The following DOCK11 variants were observed in gnomAD, a reference collection of about 807,000 sequenced individuals.
DOCK11 encodes the protein dedicator of cytokinesis protein 11.
DOCK11 carries 70 observed loss-of-function variants against 169.1 expected under a neutral mutation model. The observed-to-expected ratio is 0.41, with a 90% CI of 0.34 to 0.51. DOCK11 has a LOEUF of 0.51. Ranked by LOEUF, DOCK11 falls within the 20% of genes least tolerant of loss-of-function variation. The pLI, the probability that DOCK11 is intolerant of heterozygous loss-of-function variation, is 0.10. For missense variants in DOCK11, 1,166 were observed against 1,538.8 expected (o/e 0.76, Z 4.05); for synonymous variants, 529 against 541.3 (o/e 0.98, Z 0.32).
At chrX:118,516,089 T>G (rs1295110180) in intron 1 of DOCK11, among the ~76,000 whole-genome samples, 2 of 84,533 alleles carry the variant, frequency 2.4e-5, no homozygotes, top group Non-Finnish European at 4.3e-5. Flanking sequence ...TTTCTTTTCT[T>G]TTTCTTTTTT....
chrX:118,538,959 A>T (rs1459055095), intron 1 of DOCK11, among the ~76,000 whole-genome samples: 7 of 111,995 alleles, frequency 6.3e-5, no homozygotes, highest in Non-Finnish European at 1.3e-4. Flanking sequence ...TTTGTCTCTG[A>T]TGCCTGCAGA....
At chrX:118,659,952 T>A (rs1218224737) in intron 44 of DOCK11, among the ~76,000 whole-genome samples, 1 of 111,742 alleles carries the variant, frequency 8.9e-6, no homozygotes, top group Non-Finnish European at 1.9e-5. Flanking sequence ...GATGGGAATT[T>A]TTTTTCTCCC....
chrX:118,538,984 C>T (rs1389490929), intron 1 of DOCK11, among the ~76,000 whole-genome samples: 1 of 111,427 alleles, frequency 9.0e-6, no homozygotes, highest in African/African-American at 3.3e-5. Flanking sequence ...TAACTGAATC[C>T]TACTAGAAGG....
chrX:118,533,128 A>G (rs1368886335), intron 1 of DOCK11, among the ~76,000 whole-genome samples: 1 of 110,470 alleles, frequency 9.1e-6, no homozygotes, highest in Admixed American at 9.6e-5. Flanking sequence ...AGTAGCTGGG[A>G]TTACAGGCGC....
intron 1 of DOCK11, among the ~76,000 whole-genome samples, chrX:118,501,354 C>T (rs1218506085): frequency 3.6e-5 from 4 of 111,104 alleles, no homozygotes; most frequent in Non-Finnish European, 7.5e-5. Flanking sequence ...AGTGTCATGG[C>T]GCATGCCTGT....
chrX:118,543,602 A>G lies in DOCK11; in HGVS notation c.392+9A>G, dbSNP rs1221721516. Reference sequence around the variant, plus strand: ...TTTCGAATGTTGCCATGGTAAGTTTAGCATTCCAGGGAAACATGCAACAGG... The same window carrying G: ...TTTCGAATGTTGCCATGGTAAGTTTGGCATTCCAGGGAAACATGCAACAGG... On this transcript the variant is annotated intron_variant, in intron 4 of 52. Transcript: ENST00000276202. 3.4e-6 allele frequency: 4 copies of G among 1,187,155 alleles called. No individual in the cohort carries two copies. Among genetic ancestry groups the G allele is most frequent in the Non-Finnish European group, 4.6e-6 (4 of 873,250 alleles).
intron 1 of DOCK11, among the ~76,000 whole-genome samples, chrX:118,506,416 A>G (rs779727844): frequency 1.8e-5 from 2 of 112,065 alleles, no homozygotes; most frequent in Non-Finnish European, 3.8e-5. Flanking sequence ...CTATATTCCC[A>G]GCACTTTGAG....
rs141135574 is a variant in DOCK11 at position 118,638,121 on chromosome X, T to C, written c.3995T>C (p.Ile1332Thr). Residue 1332 changes from isoleucine (I) to threonine (T), a missense_variant, in exon 37 of 53, where the codon ATA becomes ACA. Ile to Thr is a moderately conservative substitution (Grantham distance 89). Coordinates refer to ENST00000276202, the MANE Select transcript of DOCK11 (RefSeq NM_144658.4). ...FHFRYMGKRN[I>T]ARVHDAWLSK... ...TTTAGATATATGGGGAAAAGAAACA[T>C]AGCAAGGTAATTCCCATAGCACTGC... 2.6e-4 allele frequency: 308 copies of C among 1,205,442 alleles called. No individual in the cohort carries two copies. In the African/African-American group the frequency reaches 4.2e-3, roughly 16 times the overall value.
At chrX:118,641,169 A>G (rs1199692788) in intron 38 of DOCK11, 21 bp from the exon 39 acceptor site, 2 of 1,128,029 alleles carry the variant, frequency 1.8e-6, no homozygotes, top group East Asian at 6.0e-5. Flanking sequence ...GGAAAAGTTT[A>G]ATTTACTTTT....
chrX:118,605,247 G>A lies in DOCK11; in HGVS notation c.2572G>A (p.Ala858Thr). The A allele has an allele frequency of 1.7e-6, 2 of 1,168,317 alleles. No individual in the cohort carries two copies. Among genetic ancestry groups the A allele is most frequent in the Non-Finnish European group, 2.3e-6 (2 of 870,762 alleles). The change falls in exon 24 of 53, where the codon GCC becomes ACC. Residue 858 changes from alanine to threonine, a missense_variant. Physicochemically the swap from Ala to Thr is moderately conservative, Grantham distance 58 (BLOSUM62 0). Coordinates refer to ENST00000276202, the MANE Select transcript of DOCK11 (RefSeq NM_144658.4). ...ELIKYLKCLH[A>T]MEIQVMIQFL... ...AATGACTTAATTTTAGTGTTTGCATGCCATGGAGATCCAAGTCATGATACA... is the reference window on the plus strand; with the variant it reads ...AATGACTTAATTTTAGTGTTTGCATACCATGGAGATCCAAGTCATGATACA...
intron 44 of DOCK11, among the ~76,000 whole-genome samples, chrX:118,656,620 G>A (rs1480667657): frequency 2.7e-5 from 3 of 112,080 alleles, no homozygotes; most frequent in Non-Finnish European, 5.6e-5. Flanking sequence ...GGAGTACCGT[G>A]ATTTCAAGTA....
chrX:118,676,371 C>A (rs2016609494), intron 47 of DOCK11, among the ~76,000 whole-genome samples: 1 of 111,523 alleles, frequency 9.0e-6, no homozygotes, highest in Non-Finnish European at 1.9e-5. Flanking sequence ...AAATCTTCCT[C>A]AGGCCATATG....
intron 5 of DOCK11, among the ~76,000 whole-genome samples, 192 bp downstream of exon 5, chrX:118,545,584 GA>G (rs912788595): frequency 1.2e-4 from 13 of 110,480 alleles, no homozygotes; most frequent in African/African-American, 3.6e-4. Flanking sequence ...TAGGGTTTAG[GA>G]AAAAAAATCA....
At chrX:118,651,775 G>A (rs1414654937) in intron 41 of DOCK11, among the ~76,000 whole-genome samples, 189 bp from the exon 42 acceptor site, 1 of 111,284 alleles carries the variant, frequency 9.0e-6, no homozygotes, top group African/African-American at 3.3e-5. Context: ...TTTGAAATAG[G>A]GCCTTTCAAG....
At chrX:118,643,422 G>A (rs759292029) in intron 39 of DOCK11, 35 bp from the exon 40 acceptor site, 58 of 1,170,313 alleles carry the variant, frequency 5.0e-5, no homozygotes. Flanking sequence ...GTCATTCTCA[G>A]TGGGGCATAA....
chrX:118,666,633 G>GT (rs1309369402), intron 45 of DOCK11, among the ~76,000 whole-genome samples: 1 of 111,950 alleles, frequency 8.9e-6, no homozygotes, highest in Non-Finnish European at 1.9e-5. Context: ...ATTTTGAATT[G>GT]TTTCCAGTTT....
chrX:118,679,801 A>C (rs770026323), intron 48 of DOCK11, among the ~76,000 whole-genome samples: 1 of 111,096 alleles, frequency 9.0e-6, no homozygotes, highest in South Asian at 3.8e-4. Flanking sequence ...CATAATGCAC[A>C]ATCAAAACTG....
At chrX:118,629,947 G>A (rs1195461990) in intron 34 of DOCK11, among the ~76,000 whole-genome samples, 4 of 108,952 alleles carry the variant, frequency 3.7e-5, no homozygotes, top group Admixed American at 1.0e-4. Context: ...GGGCTACTGC[G>A]CCTGGTTTTA....
chrX:118,643,825 A>G (rs2015591567), intron 40 of DOCK11, among the ~76,000 whole-genome samples: 2 of 111,923 alleles, frequency 1.8e-5, no homozygotes, highest in Admixed American at 1.9e-4. Flanking sequence ...TCCCTTTTCC[A>G]TTAAGCTCCT....
Sources: gnomAD v4.1 joint callset for allele counts (sites outside exome capture counted in the v4.1 genomes callset) on GRCh38, gnomAD v4.1.1 for gene constraint, MANE v1.5 for transcripts, NCBI Gene and HGNC (gene_info 2026-07-23, HGNC 2026-07-21) for gene names.